Variants in CDH4 observed in about 807,000 individuals in gnomAD.
CDH4 encodes cadherin-4.
A neutral mutation model predicts 86.0 loss-of-function variants in CDH4; 33 were observed. The observed-to-expected ratio is 0.38, with a 90% CI of 0.29 to 0.51. CDH4 has a LOEUF of 0.51. Among genes scored for constraint, CDH4 ranks in the 20% least tolerant of loss-of-function variants. CDH4 has a pLI of 0.86. For synonymous variants in CDH4, 555 were observed against 549.4 expected, an observed-to-expected ratio of 1.01 and a Z score of -0.14; for missense variants, 1,114 against 1,307.4, an observed-to-expected ratio of 0.85 and a Z score of 2.28.
At chr20:61,433,943 T>A (rs1283822502) in intron 2 of CDH4, among the ~76,000 whole-genome samples, 2 of 152,222 alleles carry the variant, frequency 1.3e-5, no homozygotes, top group Non-Finnish European at 2.9e-5. Flanking sequence ...CCAGCTTACA[T>A]AGACCCACCC....
intron 5 of CDH4, among the ~76,000 whole-genome samples, chr20:61,848,311 C>A (rs1295363074): frequency 1.3e-5 from 2 of 152,240 alleles, no homozygotes; most frequent in African/African-American, 4.8e-5. Flanking sequence ...CCTGCCCCAG[C>A]CACCCACGTG....
chr20:61,320,547 C>T (rs1021070414), intron 2 of CDH4, among the ~76,000 whole-genome samples: 1 of 151,868 alleles, frequency 6.6e-6, no homozygotes. Flanking sequence ...CAGTTCTGCC[C>T]CCAGAGAGCA....
At chr20:61,668,265 A>T (rs2087349123) in intron 2 of CDH4, among the ~76,000 whole-genome samples, 1 of 152,210 alleles carries the variant, frequency 6.6e-6, no homozygotes, top group Non-Finnish European at 1.5e-5. Flanking sequence ...GGGTGTGTGC[A>T]TGTGGGTGGA....
Position 61,679,506 on chromosome 20 carries a change from A to C in CDH4, c.170-64057A>C, listed in dbSNP as rs565087726. ...CACAGAAGGCTCCTCTAGATTCCGA[A>C]AGAATGGCACTCCAGTTCCAGCTCC... On this transcript the variant is annotated intron_variant, in intron 2 of 15. Coordinates refer to ENST00000614565, the MANE Select transcript of CDH4 (RefSeq NM_001794.5). Among the ~76,000 whole-genome samples the C allele has an allele frequency of 2.0e-5, 3 of 152,238 alleles. No homozygotes were observed. In the South Asian group the frequency reaches 6.2e-4, roughly 32 times the overall value.
At chr20:61,707,537 C>T (rs989397242) in intron 2 of CDH4, among the ~76,000 whole-genome samples, 12 of 152,212 alleles carry the variant, frequency 7.9e-5, no homozygotes, top group African/African-American at 1.2e-4. Flanking sequence ...CTCACAGCAT[C>T]CTGCCCTGGT....
At chr20:61,885,495 G>T (rs367972087) in intron 7 of CDH4, among the ~76,000 whole-genome samples, 5 of 152,128 alleles carry the variant, frequency 3.3e-5, no homozygotes, top group Non-Finnish European at 7.3e-5. Context: ...ATAATATTCC[G>T]CTGCATGGGG....
At chr20:61,802,966 A>G (rs1476122624) in intron 4 of CDH4, among the ~76,000 whole-genome samples, 3 of 152,214 alleles carry the variant, frequency 2.0e-5, no homozygotes, top group Admixed American at 6.5e-5. Context: ...GCTCTCTCCA[A>G]CATGGCAGCT....
intron 2 of CDH4, among the ~76,000 whole-genome samples, chr20:61,653,568 A>G (rs2087150338): frequency 7.9e-6 from 1 of 126,694 alleles, no homozygotes; most frequent in African/African-American, 2.9e-5. Context: ...GCGGGGGCTG[A>G]CCCCCACCTC....
Position 61,919,415 on chromosome 20 carries a change from C to A in CDH4, c.1375-4036C>A, listed in dbSNP as rs913694161. Among the ~76,000 whole-genome samples the A allele has an allele frequency of 1.3e-5, 2 of 152,212 alleles. 1 individual carries two copies. The highest frequency in any genetic ancestry group is 2.9e-5 in the Non-Finnish European group (2 of 68,042). The stretch of plus-strand genomic sequence containing the variant: ...AAAACAGCACCTTGTGGGTGGAACA[C>A]CCCAGGTTCCTTCCTGTCTCACCTG... On this transcript the variant is annotated intron_variant, in intron 9 of 15. Transcript: ENST00000614565.
At chr20:61,909,411 G>A (rs2054825912) in intron 8 of CDH4, among the ~76,000 whole-genome samples, 1 of 152,242 alleles carries the variant, frequency 6.6e-6, no homozygotes, top group Non-Finnish European at 1.5e-5. Flanking sequence ...ACTCATCTGT[G>A]ACGCCAGAAG....
At chr20:61,430,629 A>C (rs995550525) in intron 2 of CDH4, among the ~76,000 whole-genome samples, 7 of 152,176 alleles carry the variant, frequency 4.6e-5, no homozygotes, top group Non-Finnish European at 8.8e-5. Context: ...GAGGAGGTAA[A>C]GGAAGGAAAC....
intron 4 of CDH4, among the ~76,000 whole-genome samples, chr20:61,808,544 C>G (rs1289462828): frequency 6.6e-6 from 1 of 152,158 alleles, no homozygotes; most frequent in Non-Finnish European, 1.5e-5. Flanking sequence ...CAGCCCCTCC[C>G]AGATCTTGCT....
intron 2 of CDH4, among the ~76,000 whole-genome samples, chr20:61,500,373 T>C (rs147145064): frequency 1.3e-5 from 2 of 152,346 alleles, no homozygotes; most frequent in African/African-American, 4.8e-5. Context: ...AGATGCTTGT[T>C]TGGGAACAGA....
chr20:61,565,237 T>TAGTGGTCCTCTTGGTGATGGGGA (rs2086272051), intron 2 of CDH4, among the ~76,000 whole-genome samples: 1 of 65,834 alleles, frequency 1.5e-5, no homozygotes, highest in African/African-American at 5.8e-5. Flanking sequence ...GTGGTGGTGG[T>TAGTGGTCCTCTTGGTGATGGGGA]GGTGGCGGTG....
At position 61,469,003 on chromosome 20, in the gene CDH4, A is replaced by G. The variant is rs182803098; in HGVS notation, c.169+214066A>G. 2.9e-3 allele frequency among the ~76,000 whole-genome samples: 439 copies of G among 152,336 alleles called. 3 individuals carry two copies. The highest frequency in any genetic ancestry group is 8.5e-3 in the African/African-American group (353 of 41,586). On this transcript the variant is annotated intron_variant, in intron 2 of 15. Coordinates refer to ENST00000614565, the MANE Select transcript of CDH4 (RefSeq NM_001794.5). Reference sequence around the variant, plus strand: ...CTTCCAAATTTTGACTGTTGGGAATAGTGCTACAAGAAACATGGTAGCAAA... The same window carrying G: ...CTTCCAAATTTTGACTGTTGGGAATGGTGCTACAAGAAACATGGTAGCAAA...
intron 4 of CDH4, among the ~76,000 whole-genome samples, chr20:61,826,576 A>G (rs1308206453): frequency 6.6e-6 from 1 of 152,232 alleles, no homozygotes; most frequent in Non-Finnish European, 1.5e-5. Context: ...GGGTGGTTTC[A>G]AGAATAACAC....
intron 3 of CDH4, among the ~76,000 whole-genome samples, chr20:61,761,837 C>G (rs2088636853): frequency 6.6e-6 from 1 of 152,130 alleles, no homozygotes; most frequent in Non-Finnish European, 1.5e-5. Flanking sequence ...CATCCCCAGA[C>G]AGAGCACCTT....
intron 7 of CDH4, among the ~76,000 whole-genome samples, chr20:61,883,876 A>T (rs996025016): frequency 6.6e-6 from 1 of 152,182 alleles, no homozygotes; most frequent in African/African-American, 2.4e-5. Context: ...AGAATGCGAG[A>T]GACAGAGAAA....
intron 2 of CDH4, among the ~76,000 whole-genome samples, chr20:61,548,045 A>G (rs2086102056): frequency 6.6e-6 from 1 of 151,772 alleles, no homozygotes; most frequent in Non-Finnish European, 1.5e-5. Context: ...GCAGCATCAA[A>G]CCCTCAGGGC....
Sources: gnomAD v4.1 joint callset for allele counts (sites outside exome capture counted in the v4.1 genomes callset) on GRCh38, gnomAD v4.1.1 for gene constraint, MANE v1.5 for transcripts, NCBI Gene and HGNC (gene_info 2026-07-23, HGNC 2026-07-21) for gene names.